The following ZNF589 variants were observed in gnomAD, a reference collection of about 807,000 sequenced individuals.
ZNF589 encodes zinc finger protein 589, also known as KRAB-zinc finger protein SZF1-1.
A neutral mutation model predicts 13.6 loss-of-function variants in ZNF589; 17 were observed. That is an observed-to-expected ratio of 1.25 (90% CI 0.86 to 1.88). The LOEUF is 1.88. Among genes scored for constraint, ZNF589 ranks in the 40% most tolerant of loss-of-function variants. The pLI, the probability that ZNF589 is intolerant of heterozygous loss-of-function variation, is 0.00. For missense variants in ZNF589, 407 were observed against 434.0 expected (o/e 0.94, Z 0.55); for synonymous variants, 148 against 161.6 (o/e 0.92, Z 0.64).
At chr3:48,250,794 T>G (rs1264881924) in intron 2 of ZNF589, among the ~76,000 whole-genome samples, 2 of 151,708 alleles carry the variant, frequency 1.3e-5, no homozygotes, top group Non-Finnish European at 2.9e-5. Flanking sequence ...TATATTTGTT[T>G]TGTGAATATT....
intron 1 of ZNF589, among the ~76,000 whole-genome samples, chr3:48,246,829 C>G (rs559858836): frequency 6.6e-6 from 1 of 151,544 alleles, no homozygotes; most frequent in East Asian, 2.0e-4. Flanking sequence ...CCACCACACC[C>G]AGCTAATTTT....
intron 2 of ZNF589, among the ~76,000 whole-genome samples, chr3:48,253,993 C>T (rs892421841): frequency 2.4e-4 from 36 of 151,908 alleles, no homozygotes; most frequent in Middle Eastern, 3.4e-3. Context: ...GGGAGGCTGC[C>T]GTGGGAGGAT....
chr3:48,243,189 C>T (rs558669280), intron 1 of ZNF589, among the ~76,000 whole-genome samples: 1 of 152,156 alleles, frequency 6.6e-6, no homozygotes, highest in South Asian at 2.1e-4. Flanking sequence ...TGGCTCACGC[C>T]TGTAATCCCA....
intron 3 of ZNF589, among the ~76,000 whole-genome samples, chr3:48,267,080 T>C (rs1490531003): frequency 6.6e-6 from 1 of 152,174 alleles, no homozygotes; most frequent in African/African-American, 2.4e-5. Flanking sequence ...CACTCATAAG[T>C]AGATATTTAC....
intron 2 of ZNF589, among the ~76,000 whole-genome samples, chr3:48,250,196 C>G (rs1477211882): frequency 6.6e-6 from 1 of 151,716 alleles, no homozygotes; most frequent in African/African-American, 2.4e-5. Context: ...AATGCCAGAA[C>G]TTATTCATCC....
At position 48,241,197 on chromosome 3, in the gene ZNF589, T is replaced by G. The variant is rs374587642; in HGVS notation, c.26T>G (p.Leu9Arg). 2.0e-5 allele frequency: 32 copies of G among 1,613,186 alleles called. No homozygotes were observed. The highest frequency in any genetic ancestry group is 2.5e-5 in the Non-Finnish European group (29 of 1,179,874). Residue 9 changes from leucine to arginine, a missense_variant, in exon 1 of 4, where the codon CTG (leucine) becomes CGG (arginine). Leu to Arg is a moderately radical substitution (Grantham distance 102). Transcript: ENST00000354698. Reference sequence around the variant, plus strand: ...ATGTGGGCCCCGCGGGAGCAGCTACTGGGCTGGACTGCGGAAGGTGAGTCG... The same window carrying G: ...ATGTGGGCCCCGCGGGAGCAGCTACGGGGCTGGACTGCGGAAGGTGAGTCG... MWAPREQL[L>R]GWTAEALPAK...
At position 48,268,965 on chromosome 3, in the gene ZNF589, T is replaced by A. The variant is rs2034057707; in HGVS notation, c.*179T>A. 2 of 963,482 alleles carry A rather than the reference T, an allele frequency of 2.1e-6. No individual in the cohort carries two copies. The highest frequency in any genetic ancestry group is 3.3e-5 in the African/African-American group (2 of 61,096). The allele number at this position is 963,482 out of a possible 1,614,324, so 59.7% of individuals were successfully genotyped here. ...GTGTGTGAGGAGTGTGGGCATGGAT[T>A]TAGCCAGAAGTCGTCGCTCAAATCA... On this transcript the variant is annotated 3_prime_UTR_variant, in exon 4 of 4. Transcript: ENST00000354698.
At chr3:48,242,644 C>T (rs987210784) in intron 1 of ZNF589, among the ~76,000 whole-genome samples, 2 of 152,160 alleles carry the variant, frequency 1.3e-5, no homozygotes, top group Admixed American at 1.3e-4. Flanking sequence ...GTAAATGTTT[C>T]AGGCTTTGTA....
chr3:48,269,831 A>C lies in ZNF589; in HGVS notation c.*1045A>C. 1 of 361,680 alleles carries C rather than the reference A, an allele frequency of 2.8e-6. No individual in the cohort carries two copies. The highest frequency in any genetic ancestry group is 2.1e-5 in the South Asian group (1 of 47,572). The allele number at this position is 361,680 out of a possible 1,614,324, so 22.4% of individuals were successfully genotyped here. ...TGGACATCATTACTTGTCACGTGTC[A>C]GAGGACACACTCGGGAGAAACCTTC... On this transcript the variant is annotated 3_prime_UTR_variant, in exon 4 of 4. Transcript: ENST00000354698.
rs1304701300 is a variant in ZNF589, at chr3:48,244,810, CT to C, written c.44-2800del. 9.4e-3 allele frequency among the ~76,000 whole-genome samples: 1,327 copies of C among 140,660 alleles called. 4 individuals carry two copies. Among genetic ancestry groups the C allele is most frequent in the Admixed American group, 0.013 (174 of 13,782 alleles). The allele number at this position is 140,660 out of a possible 152,430, so 92.3% of individuals were successfully genotyped here. A position where few individuals can be genotyped will look rare whatever the true frequency, so the allele number is the denominator to read the frequency against. On this transcript the variant is annotated intron_variant, in intron 1 of 3. Coordinates refer to ENST00000354698, the MANE Select transcript of ZNF589 (RefSeq NM_016089.3). Reference sequence around the variant, plus strand: ...AAAAATAGATGGGACGAATTATAAGCTTTTTTTTTTTTTTTCTTTGAGATGG... The same window carrying C: ...AAAAATAGATGGGACGAATTATAAGCTTTTTTTTTTTTTTCTTTGAGATGG...
At chr3:48,251,588 G>A (rs9311421) in intron 2 of ZNF589, among the ~76,000 whole-genome samples, 46,288 of 151,652 alleles carry the variant, frequency 0.31, 7,593 homozygotes, top group African/African-American at 0.39. Context: ...TTTAATTTAA[G>A]ATCACCTTTA....
chr3:48,245,673 C>T lies in ZNF589; in HGVS notation c.44-1952C>T, dbSNP rs1002430223. Among the ~76,000 whole-genome samples, 11 of 152,132 alleles carry T rather than the reference C, an allele frequency of 7.2e-5. 1 individual carries two copies. Among genetic ancestry groups the T allele is most frequent in the Admixed American group, 5.9e-4 (9 of 15,270 alleles). On this transcript the variant is annotated intron_variant, in intron 1 of 3. Coordinates refer to ENST00000354698, the MANE Select transcript of ZNF589 (RefSeq NM_016089.3). ...CAAAGATATGGAAGAGAAGGCTGGGCGCGGTGGCTCACGCCTGTAATCCCA... is the reference window on the plus strand; with the variant it reads ...CAAAGATATGGAAGAGAAGGCTGGGTGCGGTGGCTCACGCCTGTAATCCCA...
chr3:48,252,222 C>T (rs11712317), intron 2 of ZNF589, among the ~76,000 whole-genome samples: 1 of 151,440 alleles, frequency 6.6e-6, no homozygotes, highest in African/African-American at 2.4e-5. Context: ...GACAGATTCT[C>T]GCTCTGTCTC....
chr3:48,258,025 A>G, intron 2 of ZNF589: 1 of 404,968 alleles, frequency 2.5e-6, no homozygotes, highest in Non-Finnish European at 4.7e-6. Flanking sequence ...TTGCCTTATC[A>G]TATATATTAG....
rs1559979638 is a variant in ZNF589, at chr3:48,247,668, T to TAGA, written c.88_90dup (p.Arg30dup). On this transcript the variant is annotated inframe_insertion, in exon 2 of 4. Coordinates refer to ENST00000354698, the MANE Select transcript of ZNF589 (RefSeq NM_016089.3). ...CTGCCTGGCCCTGGGAAGAGAAGCC[T>TAGA]AGATATCTGGTGAGTTGGGCCCGCC... 1 of 1,613,722 alleles carries TAGA rather than the reference T, an allele frequency of 6.2e-7. No homozygotes were observed. The highest frequency in any genetic ancestry group is 1.7e-5 in the Admixed American group (1 of 59,992).
At chr3:48,241,654 C>T (rs1394609486) in intron 1 of ZNF589, among the ~76,000 whole-genome samples, 1 of 152,084 alleles carries the variant, frequency 6.6e-6, no homozygotes, top group Non-Finnish European at 1.5e-5. Context: ...CCTCAGCCTG[C>T]CGAGCAGCTG....
At chr3:48,252,186 T>G (rs2033845631) in intron 2 of ZNF589, among the ~76,000 whole-genome samples, 1 of 151,826 alleles carries the variant, frequency 6.6e-6, no homozygotes, top group African/African-American at 2.4e-5. Context: ...CCTTAAATTT[T>G]ATTATTATTA....
intron 2 of ZNF589, among the ~76,000 whole-genome samples, chr3:48,252,776 C>T (rs955756997): frequency 4.0e-5 from 6 of 151,458 alleles, no homozygotes; most frequent in African/African-American, 9.7e-5. Flanking sequence ...GCCACTGCCA[C>T]CTTGCCCGGC....
chr3:48,266,841 C>T (rs1410290297), intron 3 of ZNF589, among the ~76,000 whole-genome samples: 1 of 152,202 alleles, frequency 6.6e-6, no homozygotes, highest in African/African-American at 2.4e-5. Flanking sequence ...TAAATATCTA[C>T]AATTATACTA....
Sources: allele counts gnomAD v4.1 joint callset (sites outside exome capture counted in the v4.1 genomes callset), GRCh38; gene constraint gnomAD v4.1.1; transcripts MANE v1.5; gene names NCBI Gene and HGNC (gene_info 2026-07-23, HGNC 2026-07-21).